The following NUP98 variants were observed in gnomAD, a reference collection of about 807,000 sequenced individuals.
NUP98 encodes nucleoporin 98 and 96 precursor.
A neutral mutation model predicts 191.9 loss-of-function variants in NUP98; 26 were observed. That is an observed-to-expected ratio of 0.14 (90% CI 0.10 to 0.19). NUP98 has a LOEUF of 0.19. NUP98 is among the 10% of genes least tolerant of loss of function. The pLI is 1.00. For missense variants in NUP98, 1,941 were observed against 2,178.8 expected, an observed-to-expected ratio of 0.89 and a Z score of 2.17; for synonymous variants, 808 against 778.4, an observed-to-expected ratio of 1.04 and a Z score of -0.63.
intron 12 of NUP98, among the ~76,000 whole-genome samples, chr11:3,742,787 G>A (rs1447427507): frequency 6.6e-6 from 1 of 150,586 alleles, no homozygotes; most frequent in Non-Finnish European, 1.5e-5. Context: ...TGACAAAGAA[G>A]ACTCAAGAAA....
chr11:3,714,088 TG>T, intron 18 of NUP98, 93 bp from the exon 19 acceptor site: 1 of 1,210,662 alleles, frequency 8.3e-7, no homozygotes, highest in South Asian at 1.3e-5. Flanking sequence ...TAGTGAATAA[TG>T]GTAACTATGC....
At chr11:3,796,861 G>A (rs1448789735) in intron 1 of NUP98, among the ~76,000 whole-genome samples, 1 of 152,178 alleles carries the variant, frequency 6.6e-6, no homozygotes, top group East Asian at 1.9e-4. Flanking sequence ...GCTTTACACT[G>A]AACACGTGGG....
chr11:3,700,152 G>GA (rs1564818621), intron 24 of NUP98, among the ~76,000 whole-genome samples: 1 of 151,280 alleles, frequency 6.6e-6, no homozygotes. Flanking sequence ...TCAAGAGATC[G>GA]AGACAATCCT....
chr11:3,753,811 T>G (rs1376583703), intron 10 of NUP98, among the ~76,000 whole-genome samples: 1 of 128,664 alleles, frequency 7.8e-6, no homozygotes, highest in East Asian at 2.4e-4. Flanking sequence ...TGACGGTGCG[T>G]GCCTGTAATC....
intron 16 of NUP98, among the ~76,000 whole-genome samples, chr11:3,721,567 C>CA (rs1371513026): frequency 6.6e-6 from 1 of 151,778 alleles, no homozygotes; most frequent in African/African-American, 2.4e-5. Flanking sequence ...GGCATGGTGG[C>CA]GGGTGCTTGT....
rs55984201 is a variant in NUP98 at position 3,720,975 on chromosome 11, A to AGTGTGTGTGTGT, written c.2147-162_2147-151dup. 8.3e-3 allele frequency: 2,690 copies of AGTGTGTGTGTGT among 324,466 alleles called. 19 individuals carry two copies. Among genetic ancestry groups the AGTGTGTGTGTGT allele is most frequent in the African/African-American group, 0.015 (659 of 44,092 alleles). 20.1% of individuals were successfully genotyped at this position (324,466 alleles called of 1,614,324 possible). On this transcript the variant is annotated intron_variant, in intron 16 of 32. Coordinates refer to ENST00000324932, the MANE Select transcript of NUP98 (RefSeq NM_016320.5). ...TGATTCCTAGGAGAAGGGGTGTGTG[A>AGTGTGTGTGTGT]GTGTGTGTGTGTGTGTGTGTGTGTG...
rs1274572716 is a variant in NUP98 at position 3,797,522 on chromosome 11, G to A, written c.-151C>T. On this transcript the variant is annotated 5_prime_UTR_variant, in exon 1 of 33. Coordinates refer to ENST00000324932, the MANE Select transcript of NUP98 (RefSeq NM_016320.5). ...GCTACCACCCCTGCCACCGACCGCC[G>A]CTTCGGGCGCAGCGCGCAGAGGGCC... 4.5e-6 allele frequency: 2 copies of A among 441,334 alleles called. No homozygotes were observed. Among genetic ancestry groups the A allele is most frequent in the Non-Finnish European group, 4.0e-6 (1 of 251,076 alleles). The allele number at this position is 441,334 out of a possible 1,614,324, so 27.3% of individuals were successfully genotyped here.
At chr11:3,796,409 G>A (rs2082571924) in intron 1 of NUP98, among the ~76,000 whole-genome samples, 2 of 152,198 alleles carry the variant, frequency 1.3e-5, no homozygotes, top group Non-Finnish European at 2.9e-5. Context: ...TTTAGAAAGG[G>A]AAACAATGGC....
chr11:3,768,515 A>G, intron 8 of NUP98, 66 bp downstream of exon 8: 2 of 1,376,178 alleles, frequency 1.5e-6, no homozygotes, highest in Non-Finnish European at 1.9e-6. Context: ...GTTTGACATG[A>G]TTAGAATCCT....
At position 3,699,308 on chromosome 11, in the gene NUP98, G is replaced by A; in HGVS notation, c.3783C>T (p.Ala1261=). 6.2e-7 allele frequency: 1 copy of A among 1,614,132 alleles called. No homozygotes were observed. Among genetic ancestry groups the A allele is most frequent in the Non-Finnish European group, 8.5e-7 (1 of 1,180,040 alleles). ...CAAGCTCCTTCAGGTGGCCCCATAG[G>A]GCTTCACATAGTGTCCATGTCAGGC... is the stretch of plus-strand genomic sequence containing the variant. The part of the protein sequence containing the change: ...HWSLTWTLCE[A]LWGHLKELDS... Residue 1261 remains alanine, a synonymous_variant, in exon 25 of 33, where the codon GCC becomes GCT. Coordinates refer to ENST00000324932, the MANE Select transcript of NUP98 (RefSeq NM_016320.5).
chr11:3,730,149 C>T (rs184059800), intron 14 of NUP98, among the ~76,000 whole-genome samples: 24 of 151,836 alleles, frequency 1.6e-4, no homozygotes, highest in Non-Finnish European at 2.9e-4. Context: ...GAAGAAGAAT[C>T]GCTTGAACCT....
intron 26 of NUP98, 52 bp from the exon 27 acceptor site, chr11:3,693,427 G>C (rs760741532): frequency 6.4e-7 from 1 of 1,561,962 alleles, no homozygotes; most frequent in South Asian, 1.1e-5. Flanking sequence ...GTTATTACCT[G>C]TGTGTGCAAT....
At chr11:3,787,617 C>G (rs183864083) in intron 1 of NUP98, among the ~76,000 whole-genome samples, 184 of 152,120 alleles carry the variant, frequency 1.2e-3, no homozygotes, top group Admixed American at 2.6e-3. Context: ...AATCGTATCT[C>G]CTTTTCTTCC....
chr11:3,739,294 G>A (rs1455111588), intron 12 of NUP98, among the ~76,000 whole-genome samples: 1 of 152,020 alleles, frequency 6.6e-6, no homozygotes, highest in East Asian at 1.9e-4. Context: ...GTGTCACTCA[G>A]GCTGGAGCGC....
chr11:3,795,230 A>C (rs2082487649), intron 1 of NUP98, among the ~76,000 whole-genome samples: 1 of 152,152 alleles, frequency 6.6e-6, no homozygotes, highest in Admixed American at 6.5e-5. Flanking sequence ...GCTTGAGCCC[A>C]GGAATTCGAT....
chr11:3,760,122 A>C (rs575154296), intron 10 of NUP98: 79 of 176,600 alleles, frequency 4.5e-4, no homozygotes, highest in Non-Finnish European at 8.2e-4. Context: ...CAAAAAAAAA[A>C]AAAAAAACAA....
intron 9 of NUP98, among the ~76,000 whole-genome samples, chr11:3,761,725 A>G (rs2134515080): frequency 6.6e-6 from 1 of 151,956 alleles, no homozygotes; most frequent in Middle Eastern, 3.4e-3. Flanking sequence ...ACGCCACTGT[A>G]CTCCAGCCTG....
intron 7 of NUP98, among the ~76,000 whole-genome samples, chr11:3,771,233 A>G (rs1261700848): frequency 6.6e-6 from 1 of 151,984 alleles, no homozygotes; most frequent in Non-Finnish European, 1.5e-5. Flanking sequence ...ATTTGTTTCT[A>G]CTCTTACAAT....
chr11:3,722,517 T>G (rs901769597), intron 16 of NUP98, among the ~76,000 whole-genome samples: 6 of 151,912 alleles, frequency 3.9e-5, no homozygotes, highest in African/African-American at 1.5e-4. Context: ...TGGAGACACT[T>G]CAAGAATACC....
Sources: allele counts gnomAD v4.1 joint callset (sites outside exome capture counted in the v4.1 genomes callset), GRCh38; gene constraint gnomAD v4.1.1; transcripts MANE v1.5; gene names NCBI Gene and HGNC (gene_info 2026-07-23, HGNC 2026-07-21).